PNPLA7: variants seen among roughly 807,000 people sequenced by gnomAD.
The protein encoded by PNPLA7 is patatin-like phospholipase domain-containing protein 7.
Under a neutral mutation model 161.7 loss-of-function variants are expected in PNPLA7, and 153 were observed. The ratio of observed to expected loss-of-function variants is 0.95; its 90% confidence interval spans 0.83 to 1.08. PNPLA7 has a LOEUF of 1.08. PNPLA7 is among the 50% of genes least tolerant of loss of function. PNPLA7 has a pLI of 0.00. For missense variants in PNPLA7, 1,739 were observed against 1,856.6 expected, an observed-to-expected ratio of 0.94 and a Z score of 1.16; for synonymous variants, 809 against 782.1, an observed-to-expected ratio of 1.03 and a Z score of -0.57.
Position 137,463,478 on chromosome 9 carries a change from G to A in PNPLA7, c.3280C>T (p.Pro1094Ser). 1 of 1,593,914 alleles carries A rather than the reference G, an allele frequency of 6.3e-7. No homozygotes were observed. The highest frequency in any genetic ancestry group is 8.5e-7 in the Non-Finnish European group (1 of 1,170,462). ...ASMSLSGYMP[P>S]LCDPKDGHLL... Reference sequence around the variant, plus strand: ...TGTCCGTCCTTCGGGTCACAGAGAGGGGGCATGTAACCGGACAGGGACATG... The same window carrying A: ...TGTCCGTCCTTCGGGTCACAGAGAGAGGGCATGTAACCGGACAGGGACATG... The change falls in exon 29 of 35, where the codon CCT (proline) becomes TCT (serine). Residue 1094 changes from proline to serine, a missense_variant. Transcript: ENST00000406427.
At chr9:137,478,996 G>C in intron 24 of PNPLA7, 60 bp downstream of exon 24, 1 of 1,469,616 alleles carries the variant, frequency 6.8e-7, no homozygotes, top group Admixed American at 2.3e-5. Flanking sequence ...AGAATGCTTC[G>C]AACGTTCGAG....
chr9:137,540,821 C>G lies in PNPLA7; in HGVS notation c.667-99G>C. ...AGCCCAGGGCAGTGGGGCCACGGGC[C>G]TGCACCTCTGAGGCGCCATGAGAGC... On this transcript the variant is annotated intron_variant, in intron 7 of 34. Coordinates refer to ENST00000406427, the MANE Select transcript of PNPLA7 (RefSeq NM_001098537.3). This position sits in a 1 kb window ranked among gnomAD's most constrained non-coding sequence, Gnocchi z 5.1. The G allele has an allele frequency of 9.4e-7, 1 of 1,059,112 alleles. No homozygotes were observed. Among genetic ancestry groups the G allele is most frequent in the Non-Finnish European group, 1.4e-6 (1 of 711,832 alleles). The allele number at this position is 1,059,112 out of a possible 1,614,324, so 65.6% of individuals were successfully genotyped here. A position where few individuals can be genotyped will look rare whatever the true frequency, so the allele number is the denominator to read the frequency against.
intron 14 of PNPLA7, among the ~76,000 whole-genome samples, chr9:137,504,368 C>T (rs540220743): frequency 2.6e-5 from 4 of 152,320 alleles, no homozygotes; most frequent in East Asian, 1.9e-4. Context: ...CGTGCCATCA[C>T]ACCCAGCTAA....
rs562934457 is a variant in PNPLA7 at position 137,501,004 on chromosome 9, C to T, written c.1552-108G>A. ...CACCAGGCTCAGCCGGGAGACCATC[C>T]GCCGACCTGATCAGCTCTGGGCATG... On this transcript the variant is annotated intron_variant, in intron 15 of 34. Transcript: ENST00000406427. The T allele has an allele frequency of 4.1e-4, 391 of 954,788 alleles. 4 individuals carry two copies. In the South Asian group the frequency reaches 4.6e-3, roughly 11 times the overall value. The allele number at this position is 954,788 out of a possible 1,614,324, so 59.1% of individuals were successfully genotyped here.
intron 8 of PNPLA7, among the ~76,000 whole-genome samples, chr9:137,530,576 C>G (rs1030227571): frequency 2.2e-4 from 34 of 152,336 alleles, no homozygotes; most frequent in African/African-American, 8.2e-4. Flanking sequence ...AGTCTACTGG[C>G]TTTATTTTCG....
chr9:137,482,660 C>G (rs528775613), intron 21 of PNPLA7, among the ~76,000 whole-genome samples: 1 of 152,324 alleles, frequency 6.6e-6, no homozygotes, highest in African/African-American at 2.4e-5. Context: ...AAACGGCACC[C>G]ACACCACACT....
chr9:137,486,535 A>C lies in PNPLA7; in HGVS notation c.2198-1799T>G, dbSNP rs558196457. Reference sequence around the variant, plus strand: ...ACCTGTATGCAGGCAGAAACAGATAAATGATGCTGCCCATCCCACATCCCG... The same window carrying C: ...ACCTGTATGCAGGCAGAAACAGATACATGATGCTGCCCATCCCACATCCCG... On this transcript the variant is annotated intron_variant, in intron 20 of 34. Transcript: ENST00000406427. The surrounding 1 kb of genome is among the most constrained non-coding windows in gnomAD (Gnocchi z 6.0). Among the ~76,000 whole-genome samples, 397 of 152,236 alleles carry C rather than the reference A, an allele frequency of 2.6e-3. 2 individuals are homozygous for C. Among genetic ancestry groups the C allele is most frequent in the Non-Finnish European group, 3.8e-3 (261 of 68,012 alleles).
Position 137,497,192 on chromosome 9 carries a change from C to A in PNPLA7, c.2008G>T (p.Gly670Cys). ...GAGCAGGGCCCAGCACCTACCACGC[C>A]GACGAGGTCTCCTCGGCCGTACTCC... ...AGEYGRGDLV[G>C]VVETLTHQAR... Residue 670 changes from glycine (G) to cysteine (C), a missense_variant, in exon 18 of 35, where the codon GGC becomes TGC. Coordinates refer to ENST00000406427, the MANE Select transcript of PNPLA7 (RefSeq NM_001098537.3). The A allele has an allele frequency of 6.3e-7, 1 of 1,577,582 alleles. No homozygotes were observed. The highest frequency in any genetic ancestry group is 1.8e-5 in the Admixed American group (1 of 55,994).
rs1373246691 is a variant in PNPLA7 at position 137,500,580 on chromosome 9, G to A, written c.1757+111C>T. ...GTGCCGGGGACAAAGAGGGGAGCCC[G>A]AGAAGCAGGGAAGAGGGTGAGAGCA... On this transcript the variant is annotated intron_variant, in intron 16 of 34. Coordinates refer to ENST00000406427, the MANE Select transcript of PNPLA7 (RefSeq NM_001098537.3). This position sits in a 1 kb window ranked among gnomAD's most constrained non-coding sequence, Gnocchi z 5.5. 15 of 1,029,790 alleles carry A rather than the reference G, an allele frequency of 1.5e-5. No individual in the cohort carries two copies. Among genetic ancestry groups the A allele is most frequent in the South Asian group, 1.1e-4 (7 of 63,340 alleles). 63.8% of individuals were successfully genotyped at this position (1,029,790 alleles called of 1,614,324 possible).
At position 137,537,938 on chromosome 9, in the gene PNPLA7, C is replaced by A. The variant is rs982026600; in HGVS notation, c.747+2704G>T. ...TCGCATACAGATGCCCCGTGCTGAA[C>A]GGGTTTACGTCCACGTAGACCAAAG... On this transcript the variant is annotated intron_variant, in intron 8 of 34. Coordinates refer to ENST00000406427, the MANE Select transcript of PNPLA7 (RefSeq NM_001098537.3). The surrounding 1 kb of genome is among the most constrained non-coding windows in gnomAD (Gnocchi z 4.5). Among the ~76,000 whole-genome samples, 2 of 152,216 alleles carry A rather than the reference C, an allele frequency of 1.3e-5. No individual in the cohort carries two copies. Among genetic ancestry groups the A allele is most frequent in the African/African-American group, 4.8e-5 (2 of 41,452 alleles).
intron 12 of PNPLA7, among the ~76,000 whole-genome samples, chr9:137,512,962 GAA>G (rs34062048): frequency 8.7e-5 from 10 of 114,874 alleles, no homozygotes; most frequent in African/African-American, 1.3e-4. Context: ...GCCTCTGTCT[GAA>G]AAAAAAAAAA....
chr9:137,548,428 G>A (rs1588729299), intron 1 of PNPLA7, among the ~76,000 whole-genome samples: 3 of 152,322 alleles, frequency 2.0e-5, no homozygotes. Context: ...CCTCACTGCA[G>A]AGAGCAGGAC....
At position 137,523,220 on chromosome 9, in the gene PNPLA7, G is replaced by A. The variant is rs368452791; in HGVS notation, c.748-363C>T. On this transcript the variant is annotated intron_variant, in intron 8 of 34. Transcript: ENST00000406427. This position sits in a 1 kb window ranked among gnomAD's most constrained non-coding sequence, Gnocchi z 4.4. ...CTACTCTACGTCCGACATCAGCGTCGGTACCCCTCGCCAAAGGGCGTGCCA... is the reference window on the plus strand; with the variant it reads ...CTACTCTACGTCCGACATCAGCGTCAGTACCCCTCGCCAAAGGGCGTGCCA... Among the ~76,000 whole-genome samples the A allele has an allele frequency of 1.5e-4, 23 of 152,188 alleles. No individual in the cohort carries two copies. The highest frequency in any genetic ancestry group is 2.6e-4 in the Non-Finnish European group (18 of 67,990).
chr9:137,493,203 A>T, intron 19 of PNPLA7, 121 bp from the exon 20 acceptor site: 1 of 998,428 alleles, frequency 1.0e-6, no homozygotes. Flanking sequence ...GCTTTTCAAA[A>T]CCTCCATGAA....
intron 8 of PNPLA7, among the ~76,000 whole-genome samples, chr9:137,534,816 C>T (rs567535800): frequency 6.6e-6 from 1 of 152,244 alleles, no homozygotes; most frequent in Non-Finnish European, 1.5e-5. Flanking sequence ...CTCCCCGGGT[C>T]GATACCCAAC....
chr9:137,517,237 C>CCCCA (rs1834644257), intron 11 of PNPLA7, among the ~76,000 whole-genome samples: 1 of 112,760 alleles, frequency 8.9e-6, no homozygotes, highest in African/African-American at 3.6e-5. Flanking sequence ...CCACTCCATC[C>CCCCA]CTCACTCACT....
chr9:137,518,800 C>T (rs1225953383), intron 11 of PNPLA7, among the ~76,000 whole-genome samples: 2 of 79,560 alleles, frequency 2.5e-5, no homozygotes. Flanking sequence ...ACTCACTCCA[C>T]TCTGTCCACT....
intron 11 of PNPLA7, chr9:137,516,478 G>A (rs1026417484): frequency 1.1e-5 from 11 of 985,170 alleles, no homozygotes; most frequent in Non-Finnish European, 1.3e-5. Flanking sequence ...CTAATCCAGT[G>A]AAAGAAATGC....
chr9:137,493,311 G>C (rs1588592835), intron 19 of PNPLA7, among the ~76,000 whole-genome samples: 1 of 152,232 alleles, frequency 6.6e-6, no homozygotes, highest in East Asian at 1.9e-4. Flanking sequence ...CTGCCTTTCT[G>C]GTTGCCAGGC....
Sources: gnomAD v4.1 joint callset for allele counts (sites outside exome capture counted in the v4.1 genomes callset) on GRCh38, gnomAD v4.1.1 for gene constraint, Gnocchi (gnomAD v3.1) non-coding constraint, MANE v1.5 for transcripts, NCBI Gene and HGNC (gene_info 2026-07-23, HGNC 2026-07-21) for gene names.